DMD: variants seen among roughly 807,000 people sequenced by gnomAD.
The protein encoded by DMD is dystrophin, also known as mutant dystrophin.
A neutral mutation model predicts 330.1 loss-of-function variants in DMD; 63 were observed. That is an observed-to-expected ratio of 0.19 (90% CI 0.16 to 0.24). The LOEUF is 0.24. DMD is among the 10% of genes least tolerant of loss of function. The pLI, the probability that DMD is intolerant of heterozygous loss-of-function variation, is 1.00. For missense variants in DMD, 3,344 were observed against 2,684.1 expected (o/e 1.25, Z -5.43); for synonymous variants, 1,223 against 959.8 (o/e 1.27, Z -5.07).
At chrX:31,730,141 A>G (rs748776839) in intron 51 of DMD, among the ~76,000 whole-genome samples, 38 of 111,999 alleles carry the variant, frequency 3.4e-4, no homozygotes, top group African/African-American at 1.2e-3. Flanking sequence ...AGGTATATTT[A>G]TTTTAAAAAC....
intron 20 of DMD, among the ~76,000 whole-genome samples, chrX:32,485,765 C>T (rs2042392576): frequency 5.1e-5 from 1 of 19,445 alleles, no homozygotes; most frequent in Admixed American, 1.1e-3. Flanking sequence ...TTTTTTGGGA[C>T]AGAGTCTCGC....
In DMD at chrX:31,659,357, C is replaced by T. The variant is rs143401118; in HGVS notation, c.7873-1213G>A. ...ACCAAAGCAGTAAAAAAATGAGAAA[C>T]AGGCCGGGTGCGGTGGCTCATGCCT... On this transcript the variant is annotated intron_variant, in intron 53 of 78. Transcript: ENST00000357033. 6.3e-3 allele frequency among the ~76,000 whole-genome samples: 702 copies of T among 110,942 alleles called. 2 individuals carry two copies. The highest frequency in any genetic ancestry group is 0.022 in the African/African-American group (667 of 30,506).
At chrX:32,788,657 A>T (rs2075592342) in intron 7 of DMD, among the ~76,000 whole-genome samples, 1 of 112,245 alleles carries the variant, frequency 8.9e-6, no homozygotes, top group African/African-American at 3.2e-5. Flanking sequence ...GCTAAAATAC[A>T]AACTGTTTAG....
intron 11 of DMD, among the ~76,000 whole-genome samples, chrX:32,623,742 G>C (rs2058156923): frequency 9.1e-6 from 1 of 110,410 alleles, no homozygotes; most frequent in Non-Finnish European, 1.9e-5. Flanking sequence ...GCCCAGGCTA[G>C]TCTTGAACTC....
At chrX:33,204,493 A>G (rs2051454283) in intron 1 of DMD, among the ~76,000 whole-genome samples, 1 of 110,200 alleles carries the variant, frequency 9.1e-6, no homozygotes, top group South Asian at 3.8e-4. Flanking sequence ...TCTCAGAAGT[A>G]TTTCCCCAAT....
chrX:31,970,706 C>T (rs1402228042), intron 44 of DMD, among the ~76,000 whole-genome samples: 2 of 110,660 alleles, frequency 1.8e-5, no homozygotes, highest in Admixed American at 1.9e-4. Flanking sequence ...TGAGAGCAGG[C>T]GTTAGGGGAG....
At chrX:31,780,363 A>G (rs2090947618) in intron 50 of DMD, among the ~76,000 whole-genome samples, 2 of 112,161 alleles carry the variant, frequency 1.8e-5, no homozygotes, top group Admixed American at 9.5e-5. Flanking sequence ...CACATTAACA[A>G]TTCTATGAGA....
chrX:32,866,752 G>A (rs144927722), intron 2 of DMD, among the ~76,000 whole-genome samples: 1 of 84,105 alleles, frequency 1.2e-5, no homozygotes, highest in East Asian at 4.5e-4. Context: ...TGGGGGGGGG[G>A]GGACAGAGTT....
At chrX:32,792,520 C>G (rs1296610051) in intron 7 of DMD, among the ~76,000 whole-genome samples, 1 of 111,843 alleles carries the variant, frequency 8.9e-6, no homozygotes, top group Non-Finnish European at 1.9e-5. Flanking sequence ...AAGACATAAA[C>G]TGGCTGAATG....
chrX:32,700,902 G>A (rs1331750623), intron 7 of DMD, among the ~76,000 whole-genome samples: 3 of 111,751 alleles, frequency 2.7e-5, no homozygotes, highest in Admixed American at 1.9e-4. Context: ...ACAAAAGCAG[G>A]TTGAACAAGT....
intron 51 of DMD, among the ~76,000 whole-genome samples, chrX:31,754,098 C>T (rs1039101086): frequency 5.4e-5 from 6 of 111,407 alleles, no homozygotes; most frequent in African/African-American, 1.6e-4. Flanking sequence ...GTAAAAGTTA[C>T]CTCACTGATT....
chrX:32,413,606 C>T (rs748497041), intron 29 of DMD, among the ~76,000 whole-genome samples: 11 of 110,913 alleles, frequency 9.9e-5, no homozygotes, highest in Non-Finnish European at 1.5e-4. Flanking sequence ...CTGCCACATC[C>T]CACCTGTAAA....
chrX:32,626,198 C>G lies in DMD; in HGVS notation c.1332-11745G>C, dbSNP rs183678977. Among the ~76,000 whole-genome samples the G allele has an allele frequency of 5.6e-3, 632 of 111,997 alleles. 2 individuals carry two copies. The highest frequency in any genetic ancestry group is 0.019 in the African/African-American group (600 of 30,786). On this transcript the variant is annotated intron_variant, in intron 11 of 78. Coordinates refer to ENST00000357033, the MANE Select transcript of DMD (RefSeq NM_004006.3). ...TCAAAATGATGGCTCAGGCTGGGCA[C>G]AGTGGCTCAGGCCTGTAATCCCAGC...
At chrX:33,314,113 GCACA>G (rs747885877) in intron 1 of DMD, among the ~76,000 whole-genome samples, 1 of 104,144 alleles carries the variant, frequency 9.6e-6, no homozygotes, top group Non-Finnish European at 2.0e-5. Context: ...CATTACACAC[GCACA>G]CACACACACA....
At chrX:31,704,061 G>T (rs1239219407) in intron 52 of DMD, among the ~76,000 whole-genome samples, 3 of 111,757 alleles carry the variant, frequency 2.7e-5, no homozygotes, top group African/African-American at 9.7e-5. Context: ...GAAAAATGGG[G>T]AGATAAAAGT....
chrX:33,246,564 G>A (rs2052665837), intron 1 of DMD, among the ~76,000 whole-genome samples: 2 of 111,787 alleles, frequency 1.8e-5, no homozygotes, highest in South Asian at 7.4e-4. Context: ...ACAGAATAAA[G>A]TATAATTGTA....
At chrX:33,162,173 G>A (rs767297930) in intron 1 of DMD, among the ~76,000 whole-genome samples, 2 of 112,229 alleles carry the variant, frequency 1.8e-5, no homozygotes, top group African/African-American at 6.5e-5. Flanking sequence ...TCTTGGATAA[G>A]AGATAGGTAA....
chrX:32,539,172 C>T (rs867715405), intron 17 of DMD, among the ~76,000 whole-genome samples: 17 of 95,408 alleles, frequency 1.8e-4, no homozygotes, highest in Admixed American at 4.7e-4. Context: ...ATTTCTATTT[C>T]TTTTTTTTTT....
intron 7 of DMD, among the ~76,000 whole-genome samples, chrX:32,736,249 TA>T (rs1332048878): frequency 9.0e-6 from 1 of 111,184 alleles, no homozygotes; most frequent in African/African-American, 3.3e-5. Context: ...TGGCGATCAT[TA>T]AAAAGTCAGG....
Sources: gnomAD v4.1 joint callset for allele counts (sites outside exome capture counted in the v4.1 genomes callset) on GRCh38, gnomAD v4.1.1 for gene constraint, MANE v1.5 for transcripts, NCBI Gene and HGNC (gene_info 2026-07-23, HGNC 2026-07-21) for gene names.